The following OXTR variants were observed in gnomAD, a reference collection of about 807,000 sequenced individuals.
The protein encoded by OXTR is oxytocin receptor.
In OXTR, 19 loss-of-function variants were observed where a neutral mutation model predicts 23.9. The ratio of observed to expected loss-of-function variants is 0.80; its 90% CI spans 0.56 to 1.17. The LOEUF (loss-of-function observed/expected upper bound fraction) is 1.17, where lower values mean the gene tolerates loss of function less well. Among genes scored for constraint, OXTR ranks in the 50% most tolerant of loss-of-function variants. The probability of loss-of-function intolerance (pLI) is 0.00; values close to 1 mark genes in which losing one functional copy is unlikely to be tolerated. For synonymous variants in OXTR, 278 were observed against 250.5 expected (o/e 1.11, Z -1.04); for missense variants, 500 against 550.7 (o/e 0.91, Z 0.92).
chr3:8,758,693 G>A (rs984424972), intron 3 of OXTR, among the ~76,000 whole-genome samples: 1 of 152,174 alleles, frequency 6.6e-6, no homozygotes, highest in African/African-American at 2.4e-5. Flanking sequence ...GTAGTGCAAG[G>A]TCTGGGTGAA....
Position 8,753,028 on chromosome 3 carries a change from C to T in OXTR, c.1119G>A (p.Leu373=). The change falls in exon 4 of 4, where the codon CTG becomes CTA. Residue 373 remains leucine, a synonymous_variant. Coordinates refer to ENST00000316793, the MANE Select transcript of OXTR (RefSeq NM_000916.4). ...SKKSNSSSFV[L]SHRSSSQRSC... is the part of the protein sequence containing the mutation. ...TCCTCTGGCTGGAGCTGCGATGGCT[C>T]AGGACAAAGGAGGACGAGTTGCTCT... is the stretch of plus-strand genomic sequence containing the variant. The T allele has an allele frequency of 6.2e-7, 1 of 1,614,102 alleles. No homozygotes were observed. The highest frequency in any genetic ancestry group is 1.7e-5 in the Admixed American group (1 of 60,024).
chr3:8,768,364 C>A lies in OXTR; in HGVS notation c.-142-35G>T, dbSNP rs237913. The A allele has an allele frequency of 0.27, 275,000 of 1,033,158 alleles. 39,152 individuals carry two copies. The highest frequency in any genetic ancestry group is 0.32 in the Middle Eastern group (895 of 2,762). 64.0% of individuals were successfully genotyped at this position (1,033,158 alleles called of 1,614,324 possible). ...ACCGGGAGGGCCGTGAGGAGACCGC[C>A]GCGTTTCTCTTCCGACGCGGGTAGG... On this transcript the variant is annotated intron_variant, in intron 2 of 3. Transcript: ENST00000316793. This position sits in a 1 kb window ranked among gnomAD's most constrained non-coding sequence, Gnocchi z 5.4.
At position 8,757,606 on chromosome 3, in the gene OXTR, C is replaced by T. The variant is rs1045027121; in HGVS notation, c.923-4382G>A. Among the ~76,000 whole-genome samples the T allele has an allele frequency of 2.6e-5, 4 of 152,092 alleles. No individual in the cohort carries two copies. The South Asian group carries it at 6.2e-4, about 24-fold the overall frequency. ...GGCAGGAGCAGGATCTTAGGGTCTC[C>T]GCTGGAAGAGCCAGTTCTAATCATG... On this transcript the variant is annotated intron_variant, in intron 3 of 3. Transcript: ENST00000316793.
chr3:8,745,026 TG>T, the OXTR span: 2 of 165,206 alleles, frequency 1.2e-5, no homozygotes, highest in Non-Finnish European at 2.7e-5. The surrounding 1 kb of genome is among the most constrained non-coding windows in gnomAD (Gnocchi z 4.8). Context: ...CTAAACCTCA[TG>T]GTGAAACATA....
downstream of OXTR, chr3:8,745,993 G>A: frequency 1.4e-6 from 1 of 716,986 alleles, no homozygotes; most frequent in Non-Finnish European, 2.3e-6. This position sits in a 1 kb window ranked among gnomAD's most constrained non-coding sequence, Gnocchi z 4.8. Context: ...CCCCATGATG[G>A]AGCACACGGT....
At chr3:8,755,774 G>A (rs946858931) in intron 3 of OXTR, among the ~76,000 whole-genome samples, 2 of 152,318 alleles carry the variant, frequency 1.3e-5, no homozygotes, top group East Asian at 1.9e-4. Flanking sequence ...ACCCAAAGTC[G>A]TTAAGTTTCC....
intron 1 of OXTR, 55 bp downstream of exon 1, chr3:8,769,176 C>G (rs1317102921): frequency 6.6e-6 from 1 of 152,494 alleles, no homozygotes; most frequent in African/African-American, 2.4e-5. Context: ...ACTCGGGTCC[C>G]GATGGCTCCA....
downstream of OXTR, chr3:8,745,880 C>CA (rs781592824): frequency 3.1e-6 from 5 of 1,603,854 alleles, no homozygotes; most frequent in South Asian, 5.5e-5. This position sits in a 1 kb window ranked among gnomAD's most constrained non-coding sequence, Gnocchi z 4.8. Context: ...CCAGGTGGGG[C>CA]AACAGCGGTG....
intron 3 of OXTR, among the ~76,000 whole-genome samples, chr3:8,760,303 G>T (rs148047237): frequency 6.6e-6 from 1 of 152,206 alleles, no homozygotes; most frequent in Non-Finnish European, 1.5e-5. Flanking sequence ...GTCCCTCCCA[G>T]AGGTCTGTGG....
intron 3 of OXTR, among the ~76,000 whole-genome samples, chr3:8,766,607 C>G (rs775808319): frequency 3.3e-5 from 5 of 152,130 alleles, no homozygotes; most frequent in Non-Finnish European, 5.9e-5. Flanking sequence ...CCACTCCTTG[C>G]AGTACTCACC....
At chr3:8,745,324 C>A in the OXTR span, among the ~76,000 whole-genome samples, 3 of 152,142 alleles carry the variant, frequency 2.0e-5, no homozygotes, top group Non-Finnish European at 4.4e-5. This position sits in a 1 kb window ranked among gnomAD's most constrained non-coding sequence, Gnocchi z 4.8. Context: ...GACCCATGGG[C>A]CAATTAAACC....
In OXTR at chr3:8,767,807, G is replaced by C. The variant is rs1462715138; in HGVS notation, c.381C>G (p.Thr127=). 1 of 1,610,544 alleles carries C rather than the reference G, an allele frequency of 6.2e-7. No individual in the cohort carries two copies. Among genetic ancestry groups the C allele is most frequent in the Middle Eastern group, 1.7e-4 (1 of 6,052 alleles). The change falls in exon 3 of 4, where the codon ACC becomes ACG. Residue 127 remains threonine, a synonymous_variant. Transcript: ENST00000316793. ...YLQVVGMFAS[T]YLLLLMSLDR... The stretch of plus-strand genomic sequence containing the variant: ...CCAGGGACATGAGCAGCAGCAGGTA[G>C]GTGGAGGCGAACATGCCCACCACCT...
chr3:8,767,441 A>AGCCGCCGCGCCCTCTGGCGCCTCG lies in OXTR; in HGVS notation c.723_746dup (p.Glu242_Ala249dup), dbSNP rs759288042. On this transcript the variant is annotated inframe_insertion, in exon 3 of 4. Coordinates refer to ENST00000316793, the MANE Select transcript of OXTR (RefSeq NM_000916.4). Reference sequence around the variant, plus strand: ...CCAGGGCCACGCGCCCCCCATCGCCAGCCGCCGCGCCCTCTGGCGCCTCGG... The same window carrying AGCCGCCGCGCCCTCTGGCGCCTCG: ...CCAGGGCCACGCGCCCCCCATCGCCAGCCGCCGCGCCCTCTGGCGCCTCGGCCGCCGCGCCCTCTGGCGCCTCGG... 8 of 1,603,664 alleles carry AGCCGCCGCGCCCTCTGGCGCCTCG rather than the reference A, an allele frequency of 5.0e-6. No individual in the cohort carries two copies. Among genetic ancestry groups the AGCCGCCGCGCCCTCTGGCGCCTCG allele is most frequent in the East Asian group, 4.5e-5 (2 of 44,510 alleles).
At position 8,753,103 on chromosome 3, in the gene OXTR, G is replaced by T. The variant is rs148034099; in HGVS notation, c.1044C>A (p.Ser348=). Reference sequence around the variant, plus strand: ...GGCGTCTGCCCTTCAGGTAGCTGGCGGAGCAGCACAGGAAGCGCTGCACGA... The same window carrying T: ...GGCGTCTGCCCTTCAGGTAGCTGGCTGAGCAGCACAGGAAGCGCTGCACGA... ...HELVQRFLCC[S]ASYLKGRRLG... is the part of the protein sequence containing the mutation. Residue 348 remains serine (S), a synonymous_variant, in exon 4 of 4, where the codon TCC becomes TCA. Transcript: ENST00000316793. 1 of 1,614,160 alleles carries T rather than the reference G, an allele frequency of 6.2e-7. No homozygotes were observed. Among genetic ancestry groups the T allele is most frequent in the Non-Finnish European group, 8.5e-7 (1 of 1,180,028 alleles).
At chr3:8,760,956 TG>T (rs1469198994) in intron 3 of OXTR, among the ~76,000 whole-genome samples, 1 of 152,176 alleles carries the variant, frequency 6.6e-6, no homozygotes, top group East Asian at 1.9e-4. Flanking sequence ...GGGATGACTT[TG>T]CCCCTTAGTG....
intron 3 of OXTR, among the ~76,000 whole-genome samples, chr3:8,756,114 T>C (rs1708367552): frequency 6.6e-6 from 1 of 152,202 alleles, no homozygotes; most frequent in African/African-American, 2.4e-5. Context: ...CTTTCTGCAC[T>C]TATTGTATCT....
Position 8,767,291 on chromosome 3 carries a change from G to C in OXTR, c.897C>G (p.Val299=). Residue 299 remains valine (V), a synonymous_variant, in exon 3 of 4, where the codon GTC becomes GTG. Coordinates refer to ENST00000316793, the MANE Select transcript of OXTR (RefSeq NM_000916.4). ...TPFFFVQMWS[V]WDANAPKEAS... ...CTTCCTTGGGCGCGTTGGCATCCCAGACGCTCCACATCTGCACGAAGAAGA... is the reference window on the plus strand; with the variant it reads ...CTTCCTTGGGCGCGTTGGCATCCCACACGCTCCACATCTGCACGAAGAAGA... 6.4e-7 allele frequency: 1 copy of C among 1,565,620 alleles called. No homozygotes were observed. The highest frequency in any genetic ancestry group is 8.6e-7 in the Non-Finnish European group (1 of 1,156,818).
rs1708406101 is a variant in OXTR, at chr3:8,757,820, T to TC, written c.923-4597dup. Among the ~76,000 whole-genome samples, 3 of 151,710 alleles carry TC rather than the reference T, an allele frequency of 2.0e-5. No individual in the cohort carries two copies. In the South Asian group the frequency reaches 6.3e-4, roughly 32 times the overall value. ...CGGCATTTCTCGGAGGAGGAAGAGG[T>TC]CAGACGTCCATCCTTTCATTCTGCC... On this transcript the variant is annotated intron_variant, in intron 3 of 3. Coordinates refer to ENST00000316793, the MANE Select transcript of OXTR (RefSeq NM_000916.4).
Position 8,751,284 on chromosome 3 carries a change from C to T in OXTR, c.*1693G>A, listed in dbSNP as rs1708252287. ...TTATTTATATATTCCAGATACAAGC[C>T]CCTTATCATATATATGACTCGCAAA... is the stretch of plus-strand genomic sequence containing the variant. On this transcript the variant is annotated 3_prime_UTR_variant, in exon 4 of 4. Transcript: ENST00000316793. The T allele has an allele frequency of 6.6e-6, 1 of 152,018 alleles. No homozygotes were observed. Among genetic ancestry groups the T allele is most frequent in the Non-Finnish European group, 1.5e-5 (1 of 68,012 alleles). The allele number at this position is 152,018 out of a possible 1,614,324, so 9.4% of individuals were successfully genotyped here.
Sources: gnomAD v4.1 joint callset for allele counts (sites outside exome capture counted in the v4.1 genomes callset) on GRCh38, gnomAD v4.1.1 for gene constraint, Gnocchi (gnomAD v3.1) non-coding constraint, MANE v1.5 for transcripts, NCBI Gene and HGNC (gene_info 2026-07-23, HGNC 2026-07-21) for gene names.